Variants in ARHGAP27 observed in about 807,000 individuals in gnomAD.
ARHGAP27 encodes the protein rho GTPase-activating protein 27.
In ARHGAP27, 53 loss-of-function variants were observed where a neutral mutation model predicts 102.0. The ratio of observed to expected loss-of-function variants is 0.52; its 90% CI spans 0.42 to 0.65. The LOEUF is 0.65. Ranked by LOEUF, ARHGAP27 falls within the 30% of genes least tolerant of loss-of-function variation. The pLI is 0.00. For synonymous variants in ARHGAP27, 525 were observed against 542.8 expected (o/e 0.97, Z 0.46); for missense variants, 1,117 against 1,256.2 (o/e 0.89, Z 1.68).
At chr17:45,417,229 C>T (rs1209987259) in intron 4 of ARHGAP27, among the ~76,000 whole-genome samples, 4 of 145,048 alleles carry the variant, frequency 2.8e-5, no homozygotes, top group East Asian at 2.1e-4. Context: ...TTTGGGAGGC[C>T]GAGGCAGGCA....
At chr17:45,399,495 G>T (rs1048167962) in intron 12 of ARHGAP27, among the ~76,000 whole-genome samples, 1 of 151,924 alleles carries the variant, frequency 6.6e-6, no homozygotes, top group African/African-American at 2.4e-5. Flanking sequence ...GGGAGGCTGA[G>T]GCAGGAGAAT....
chr17:45,401,014 T>C (rs1277869764), intron 12 of ARHGAP27, among the ~76,000 whole-genome samples: 1 of 152,042 alleles, frequency 6.6e-6, no homozygotes, highest in Non-Finnish European at 1.5e-5. Context: ...AACTCTATCC[T>C]GCCAAGCCCA....
At chr17:45,419,520 A>G (rs1424459415) in intron 4 of ARHGAP27, among the ~76,000 whole-genome samples, 1,104 of 16,060 alleles carry the variant, frequency 0.069, 15 homozygotes, top group African/African-American at 0.13. Flanking sequence ...ATGTATATAT[A>G]TATATATATA....
Position 45,405,859 on chromosome 17 carries a change from C to T in ARHGAP27, c.882G>A (p.Ser294=). 1.3e-6 allele frequency: 2 copies of T among 1,536,254 alleles called. No individual in the cohort carries two copies. The highest frequency in any genetic ancestry group is 1.7e-6 in the Non-Finnish European group (2 of 1,146,900). ...TCTCAAGGCTCACGTGGCTGTCCAC[C>T]GAGGCAGGGGAGGTGGCTGGGCTGG... ...GAASPATSPA[S]VDSHVSLETE... The change falls in exon 5 of 20, where the codon TCG becomes TCA. Residue 294 remains serine (S), a synonymous_variant. Transcript: ENST00000685559.
Position 45,396,560 on chromosome 17 carries a change from G to A in ARHGAP27, c.2100C>T (p.Ala700=), listed in dbSNP as rs1384625582. 3.1e-6 allele frequency: 5 copies of A among 1,601,880 alleles called. No homozygotes were observed. Among genetic ancestry groups the A allele is most frequent in the East Asian group, 4.5e-5 (2 of 44,706 alleles). The change falls in exon 16 of 20, where the codon GCC becomes GCT. Residue 700 remains alanine, a synonymous_variant. Coordinates refer to ENST00000685559, the MANE Select transcript of ARHGAP27 (RefSeq NM_001282290.2). The stretch of plus-strand genomic sequence containing the variant: ...GGCTCCTCTCGCGCTCACACAGCGC[G>A]GCCAGCGCGCAGCCGAACACCTGGT... ...IKDQVFGCAL[A]ALCERERSRV... is the part of the protein sequence containing the mutation.
Position 45,399,517 on chromosome 17 carries a change from G to A in ARHGAP27, c.1744-1470C>T, listed in dbSNP as rs541210597. ...TGAGGCAGGAGAATCGCTTGAACCCGGGAGGCAGAGATTGCAGTGAGCCGA... is the reference window on the plus strand; with the variant it reads ...TGAGGCAGGAGAATCGCTTGAACCCAGGAGGCAGAGATTGCAGTGAGCCGA... On this transcript the variant is annotated intron_variant, in intron 12 of 19. Coordinates refer to ENST00000685559, the MANE Select transcript of ARHGAP27 (RefSeq NM_001282290.2). Among the ~76,000 whole-genome samples, 7 of 151,726 alleles carry A rather than the reference G, an allele frequency of 4.6e-5. No individual in the cohort carries two copies. In the East Asian group the frequency reaches 9.7e-4, roughly 21 times the overall value.
In ARHGAP27 at chr17:45,403,637, G is replaced by C. The variant is rs1472924329; in HGVS notation, c.1620C>G (p.Thr540=). Residue 540 remains threonine (T), a synonymous_variant, in exon 11 of 20, where the codon ACC becomes ACG. Coordinates refer to ENST00000685559, the MANE Select transcript of ARHGAP27 (RefSeq NM_001282290.2). ...GVLTFFKDSK[T]SAAGGLRQPS... ...GCCTTACCAGGCCGCCTGCAGCCGA[G>C]GTCTTTGAGTCCTTGAAGAATGTCA... 9 of 1,613,922 alleles carry C rather than the reference G, an allele frequency of 5.6e-6. No homozygotes were observed. The highest frequency in any genetic ancestry group is 7.6e-6 in the Non-Finnish European group (9 of 1,180,012).
intron 4 of ARHGAP27, among the ~76,000 whole-genome samples, chr17:45,428,559 G>C (rs1381196677): frequency 1.3e-5 from 2 of 152,156 alleles, no homozygotes; most frequent in Non-Finnish European, 2.9e-5. Context: ...ACCCAGCAGC[G>C]GGCCTACGGA....
chr17:45,424,345 C>T (rs1028673839), intron 4 of ARHGAP27, among the ~76,000 whole-genome samples: 2 of 152,234 alleles, frequency 1.3e-5, no homozygotes, highest in Non-Finnish European at 1.5e-5. Flanking sequence ...CCCTGTTTCC[C>T]CTTCAATATG....
chr17:45,399,752 C>A (rs1056949480), intron 12 of ARHGAP27, among the ~76,000 whole-genome samples: 15 of 152,216 alleles, frequency 9.9e-5, no homozygotes, highest in Non-Finnish European at 2.1e-4. Context: ...AATGGCTTGA[C>A]AACACTTCTA....
At chr17:45,395,909 G>A (rs1433544112) in intron 18 of ARHGAP27, 60 bp from the exon 19 acceptor site, 1 of 1,566,958 alleles carries the variant, frequency 6.4e-7, no homozygotes, top group Non-Finnish European at 8.7e-7. Flanking sequence ...GTATCGGCTG[G>A]GCGAGGGGAG....
At chr17:45,415,062 C>CA (rs546453138) in intron 4 of ARHGAP27, among the ~76,000 whole-genome samples, 3,274 of 60,770 alleles carry the variant, frequency 0.054, 77 homozygotes, top group Non-Finnish European at 0.068. Context: ...GAGTCCATCT[C>CA]AAAAAAAAAA....
At chr17:45,431,263 C>T (rs1175427541) in intron 3 of ARHGAP27, among the ~76,000 whole-genome samples, 1 of 152,236 alleles carries the variant, frequency 6.6e-6, no homozygotes, top group Admixed American at 6.5e-5. Context: ...GGGGGAGAGC[C>T]TAACTAAATC....
Position 45,432,322 on chromosome 17 carries a change from G to A in ARHGAP27, c.-257C>T, listed in dbSNP as rs2050108416. ...CGATGTCTCGGGCTGGATAAGAAGG[G>A]GACCGGACCTCGGTTCCTTCCCCGA... On this transcript the variant is annotated 5_prime_UTR_variant, in exon 2 of 20. Coordinates refer to ENST00000685559, the MANE Select transcript of ARHGAP27 (RefSeq NM_001282290.2). 1 of 154,940 alleles carries A rather than the reference G, an allele frequency of 6.5e-6. No homozygotes were observed. Among genetic ancestry groups the A allele is most frequent in the African/African-American group, 2.4e-5 (1 of 41,458 alleles). The allele number at this position is 154,940 out of a possible 1,614,324, so 9.6% of individuals were successfully genotyped here. A position where few individuals can be genotyped will look rare whatever the true frequency, so the allele number is the denominator to read the frequency against.
chr17:45,429,614 G>T lies in ARHGAP27; in HGVS notation c.657+9C>A. On this transcript the variant is annotated intron_variant, in intron 4 of 19. Transcript: ENST00000685559. Reference sequence around the variant, plus strand: ...ACCCGCCTCCGCGCCCCAGCGCCCGGGGAGGTACCTGCTCTGCGCTCTCCT... The same window carrying T: ...ACCCGCCTCCGCGCCCCAGCGCCCGTGGAGGTACCTGCTCTGCGCTCTCCT... 4 of 1,577,310 alleles carry T rather than the reference G, an allele frequency of 2.5e-6. No homozygotes were observed. Among genetic ancestry groups the T allele is most frequent in the Non-Finnish European group, 3.4e-6 (4 of 1,161,622 alleles).
In ARHGAP27 at chr17:45,393,964, A is replaced by G. The variant is rs1263385025; in HGVS notation, c.*1492T>C. The G allele has an allele frequency of 2.6e-5, 4 of 152,664 alleles. No individual in the cohort carries two copies. Among genetic ancestry groups the G allele is most frequent in the Non-Finnish European group, 5.9e-5 (4 of 68,040 alleles). 9.5% of individuals were successfully genotyped at this position (152,664 alleles called of 1,614,324 possible). ...TGTTAGCTTGATTGATAACTTTTAA[A>G]TATTTAGACATATGGTATGAGGCCC... On this transcript the variant is annotated 3_prime_UTR_variant, in exon 20 of 20. Transcript: ENST00000685559.
rs754592200 is a variant in ARHGAP27, at chr17:45,396,571, A to C, written c.2089T>G (p.Cys697Gly). The change falls in exon 16 of 20, where the codon TGC (cysteine) becomes GGC (glycine). Residue 697 changes from cysteine to glycine, a missense_variant. Around this residue, in one of 3 missense-constraint regions of ARHGAP27, gnomAD observed 493 missense variants for 505.5 expected, o/e 0.98. Transcript: ENST00000685559. ...KGYIKDQVFGCALAALCERER... is the reference protein window; with the variant it reads ...KGYIKDQVFGGALAALCERER... Reference sequence around the variant, plus strand: ...CGCTCACACAGCGCGGCCAGCGCGCAGCCGAACACCTGGTCTAGGGCAGAG... The same window carrying C: ...CGCTCACACAGCGCGGCCAGCGCGCCGCCGAACACCTGGTCTAGGGCAGAG... The C allele has an allele frequency of 6.2e-7, 1 of 1,605,694 alleles. No homozygotes were observed. The highest frequency in any genetic ancestry group is 1.1e-5 in the South Asian group (1 of 90,692).
chr17:45,429,572 G>A (rs778455479), intron 4 of ARHGAP27, 51 bp downstream of exon 4: 1 of 1,574,262 alleles, frequency 6.4e-7, no homozygotes, highest in South Asian at 1.1e-5. Context: ...CCGTGCGGGC[G>A]CGGTCCCTAG....
chr17:45,418,035 T>C (rs1396807744), intron 4 of ARHGAP27, among the ~76,000 whole-genome samples: 1 of 141,324 alleles, frequency 7.1e-6, no homozygotes, highest in Non-Finnish European at 1.5e-5. Context: ...AGACTCTGTC[T>C]CAAAAAAAAA....
Sources: gnomAD v4.1 joint callset for allele counts (sites outside exome capture counted in the v4.1 genomes callset) on GRCh38, gnomAD v4.1.1 for gene constraint, gnomAD v4.1.1 regional missense constraint, MANE v1.5 for transcripts, NCBI Gene and HGNC (gene_info 2026-07-23, HGNC 2026-07-21) for gene names.